The following RSPO3 variants were observed in gnomAD, a reference collection of about 807,000 sequenced individuals.
RSPO3 encodes the protein R-spondin-3.
In RSPO3, 17 loss-of-function variants were observed where a neutral mutation model predicts 36.5. The ratio of observed to expected loss-of-function variants is 0.47; its 90% confidence interval spans 0.32 to 0.70. The LOEUF (loss-of-function observed/expected upper bound fraction) is 0.70. RSPO3 is among the 30% of genes least tolerant of loss of function. The pLI, the probability that RSPO3 is intolerant of heterozygous loss-of-function variation, is 0.04. For missense variants in RSPO3, 294 were observed against 322.5 expected (o/e 0.91, Z 0.68); for synonymous variants, 108 against 107.0 (o/e 1.01, Z -0.06).
At chr6:127,173,977 C>T (rs560838139) in intron 4 of RSPO3, among the ~76,000 whole-genome samples, 8 of 151,792 alleles carry the variant, frequency 5.3e-5, no homozygotes, top group Non-Finnish European at 1.0e-4. Context: ...TTCGTGTGGG[C>T]GCACAGAGGG....
chr6:127,119,328 C>T (rs369900638), intron 1 of RSPO3, 39 bp downstream of exon 1: 41 of 1,463,276 alleles, frequency 2.8e-5, no homozygotes, highest in Non-Finnish European at 3.7e-5. Context: ...TCCCTCCCGC[C>T]GCGTTCACCT....
At chr6:127,124,999 A>G (rs969218924) in intron 1 of RSPO3, among the ~76,000 whole-genome samples, 5 of 152,148 alleles carry the variant, frequency 3.3e-5, no homozygotes, top group Non-Finnish European at 7.4e-5. Flanking sequence ...TTCACATTTG[A>G]ACTGTTTGAA....
chr6:127,119,191 C>A lies in RSPO3; in HGVS notation c.-2C>A, dbSNP rs767500587. 8.1e-6 allele frequency: 13 copies of A among 1,605,444 alleles called. No homozygotes were observed. The highest frequency in any genetic ancestry group is 1.7e-5 in the Admixed American group (1 of 59,916). ...AAGGAAGGGAAGCATTACTGGGTTACTATGCACTTGCGACTGATTTCTTGG... is the reference window on the plus strand; with the variant it reads ...AAGGAAGGGAAGCATTACTGGGTTAATATGCACTTGCGACTGATTTCTTGG... On this transcript the variant is annotated 5_prime_UTR_variant, in exon 1 of 5. Transcript: ENST00000356698.
At chr6:127,140,521 T>C (rs1260006503) in intron 1 of RSPO3, among the ~76,000 whole-genome samples, 1 of 152,198 alleles carries the variant, frequency 6.6e-6, no homozygotes, top group African/African-American at 2.4e-5. Context: ...AGTTTGTTGC[T>C]AGTTAGAACA....
chr6:127,197,620 G>C lies in RSPO3; in HGVS notation c.*1613G>C. 2.1e-6 allele frequency: 3 copies of C among 1,442,950 alleles called. No homozygotes were observed. The South Asian group carries it at 4.2e-5, about 20-fold the overall frequency. The allele number at this position is 1,442,950 out of a possible 1,614,324, so 89.4% of individuals were successfully genotyped here. On this transcript the variant is annotated 3_prime_UTR_variant, in exon 5 of 5. Coordinates refer to ENST00000356698, the MANE Select transcript of RSPO3 (RefSeq NM_032784.5). Reference sequence around the variant, plus strand: ...AGCCCTCTCAAGATCACTGCTTTCTGAAGAATTTGCAATGACTCTGGCTTC... The same window carrying C: ...AGCCCTCTCAAGATCACTGCTTTCTCAAGAATTTGCAATGACTCTGGCTTC...
chr6:127,134,219 C>T (rs1419109879), intron 1 of RSPO3, among the ~76,000 whole-genome samples: 7 of 152,142 alleles, frequency 4.6e-5, no homozygotes, highest in Non-Finnish European at 1.0e-4. Context: ...ATGAATAGGA[C>T]TCATTACTTA....
At chr6:127,142,075 A>C (rs1046038048) in intron 1 of RSPO3, among the ~76,000 whole-genome samples, 5 of 152,210 alleles carry the variant, frequency 3.3e-5, no homozygotes, top group Non-Finnish European at 7.4e-5. Context: ...ATTTGGACAT[A>C]TAAACATGTG....
At chr6:127,127,650 A>G (rs781504925) in intron 1 of RSPO3, among the ~76,000 whole-genome samples, 2 of 152,058 alleles carry the variant, frequency 1.3e-5, no homozygotes, top group Non-Finnish European at 2.9e-5. Context: ...TCACTCAAGG[A>G]ATTGAGGTGG....
At chr6:127,131,161 C>G (rs566869014) in intron 1 of RSPO3, among the ~76,000 whole-genome samples, 2 of 152,230 alleles carry the variant, frequency 1.3e-5, no homozygotes, top group South Asian at 2.1e-4. Flanking sequence ...TAGATGCATA[C>G]TTGGCCCTAG....
chr6:127,155,375 C>A lies in RSPO3; in HGVS notation c.571C>A (p.Pro191Thr). 6.2e-7 allele frequency: 1 copy of A among 1,613,688 alleles called. No homozygotes were observed. Among genetic ancestry groups the A allele is most frequent in the Non-Finnish European group, 8.5e-7 (1 of 1,179,772 alleles). ...TCCTTCAGCAAAGGGTAACCTGTGTCCCCCAACAAATGAGACAAGAAAGTG... is the reference window on the plus strand; with the variant it reads ...TCCTTCAGCAAAGGGTAACCTGTGTACCCCAACAAATGAGACAAGAAAGTG... ...QHPSAKGNLCPPTNETRKCTV... is the reference protein window; with the variant it reads ...QHPSAKGNLCTPTNETRKCTV... The change falls in exon 4 of 5, where the codon CCC becomes ACC. Residue 191 changes from proline to threonine, a missense_variant. Pro to Thr is a conservative substitution (Grantham distance 38). This residue lies in a region of RSPO3 where 190 missense variants were observed against 185.2 expected (regional missense o/e 1.03). Transcript: ENST00000356698.
chr6:127,151,548 A>G (rs1231974704), intron 3 of RSPO3, among the ~76,000 whole-genome samples: 1 of 152,038 alleles, frequency 6.6e-6, no homozygotes, highest in Admixed American at 6.6e-5. Flanking sequence ...ACTCCCCTGG[A>G]GTCCCCATCT....
At chr6:127,126,001 CT>C (rs1358380799) in intron 1 of RSPO3, among the ~76,000 whole-genome samples, 2 of 152,060 alleles carry the variant, frequency 1.3e-5, no homozygotes, top group Non-Finnish European at 2.9e-5. Flanking sequence ...CAGATAATTT[CT>C]TTTAATCAAA....
In RSPO3 at chr6:127,197,280, T is replaced by C. The variant is rs1775533616; in HGVS notation, c.*1273T>C. The C allele has an allele frequency of 2.1e-6, 2 of 933,980 alleles. No individual in the cohort carries two copies. The highest frequency in any genetic ancestry group is 1.7e-5 in the African/African-American group (1 of 60,322). The allele number at this position is 933,980 out of a possible 1,614,324, so 57.9% of individuals were successfully genotyped here. On this transcript the variant is annotated 3_prime_UTR_variant, in exon 5 of 5. Coordinates refer to ENST00000356698, the MANE Select transcript of RSPO3 (RefSeq NM_032784.5). Reference sequence around the variant, plus strand: ...TTCTTATTTTAATCAACATTCTAATTATAGACACATGGGCCTCCCTAGCTG... The same window carrying C: ...TTCTTATTTTAATCAACATTCTAATCATAGACACATGGGCCTCCCTAGCTG...
chr6:127,170,027 T>C (rs759010641), intron 4 of RSPO3, among the ~76,000 whole-genome samples: 8 of 151,824 alleles, frequency 5.3e-5, no homozygotes, highest in Middle Eastern at 6.8e-3. Flanking sequence ...TAAAGCAGAT[T>C]TGAGCATTAG....
rs1472350632 is a variant in RSPO3, at chr6:127,198,467, T to C, written c.*2460T>C. ...TCAACCTCTGGTAAAGTTCCTACAC[T>C]AGTCACAGAAGGTGTTAACTTTCTA... On this transcript the variant is annotated 3_prime_UTR_variant, in exon 5 of 5. Transcript: ENST00000356698. 6.6e-6 allele frequency among the ~76,000 whole-genome samples: 1 copy of C among 152,150 alleles called. No homozygotes were observed. The highest frequency in any genetic ancestry group is 1.9e-4 in the East Asian group (1 of 5,188).
In RSPO3 at chr6:127,159,688, G is replaced by A. The variant is rs973674178; in HGVS notation, c.634+4250G>A. On this transcript the variant is annotated intron_variant, in intron 4 of 4. Coordinates refer to ENST00000356698, the MANE Select transcript of RSPO3 (RefSeq NM_032784.5). ...TTTTGAGATGGGGTCTCACTCTGTC[G>A]CCCAGGCTGGAGTGCAGTGGCGCGA... Among the ~76,000 whole-genome samples, 13 of 126,358 alleles carry A rather than the reference G, an allele frequency of 1.0e-4. No homozygotes were observed. The East Asian group carries it at 1.2e-3, about 11-fold the overall frequency. 82.9% of individuals were successfully genotyped at this position (126,358 alleles called of 152,430 possible).
chr6:127,195,710 T>C, intron 4 of RSPO3, 113 bp from the exon 5 acceptor site: 1 of 675,664 alleles, frequency 1.5e-6, no homozygotes, highest in Non-Finnish European at 2.4e-6. Flanking sequence ...AGATATTTAG[T>C]ATCTATCATT....
At chr6:127,175,542 A>T (rs1279747215) in intron 4 of RSPO3, among the ~76,000 whole-genome samples, 2 of 151,810 alleles carry the variant, frequency 1.3e-5, no homozygotes, top group African/African-American at 4.8e-5. Flanking sequence ...ATGAGCATAA[A>T]GTACTGGAAA....
chr6:127,196,221 G>T lies in RSPO3; in HGVS notation c.*214G>T. 8.8e-6 allele frequency: 3 copies of T among 339,756 alleles called. No homozygotes were observed. Among genetic ancestry groups the T allele is most frequent in the Non-Finnish European group, 1.6e-5 (3 of 188,766 alleles). 21.0% of individuals were successfully genotyped at this position (339,756 alleles called of 1,614,324 possible). ...GGATACTTTCAGATGGTTGTCTTGT[G>T]TGCTTCTCTGCATTTTTAAAAGACA... On this transcript the variant is annotated 3_prime_UTR_variant, in exon 5 of 5. Transcript: ENST00000356698.
Sources: allele counts gnomAD v4.1 joint callset (sites outside exome capture counted in the v4.1 genomes callset), GRCh38; gene constraint gnomAD v4.1.1; regional missense constraint gnomAD v4.1.1; transcripts MANE v1.5; gene names NCBI Gene and HGNC (gene_info 2026-07-23, HGNC 2026-07-21).